Variants in PTPRB observed in about 807,000 individuals in gnomAD.
The protein encoded by PTPRB is protein tyrosine phosphatase receptor type B.
In PTPRB, 97 loss-of-function variants were observed where a neutral mutation model predicts 238.1. The ratio of observed to expected loss-of-function variants is 0.41; its 90% CI spans 0.35 to 0.48. The LOEUF (loss-of-function observed/expected upper bound fraction) is 0.48, where lower values mean the gene tolerates loss of function less well. Among genes scored for constraint, PTPRB ranks in the 20% least tolerant of loss-of-function variants. The pLI, the probability that PTPRB is intolerant of heterozygous loss-of-function variation, is 0.30. For missense variants in PTPRB, 2,292 were observed against 2,681.9 expected (o/e 0.85, Z 3.21); for synonymous variants, 970 against 995.4 (o/e 0.97, Z 0.48).
intron 8 of PTPRB, among the ~76,000 whole-genome samples, chr12:70,588,279 G>A (rs1049669442): frequency 9.2e-5 from 14 of 152,130 alleles, no homozygotes; most frequent in Non-Finnish European, 4.4e-5. Flanking sequence ...GAAATAATTT[G>A]ATTATTTACA....
intron 32 of PTPRB, 29 bp from the exon 33 acceptor site, chr12:70,524,620 A>C: frequency 6.3e-7 from 1 of 1,595,530 alleles, no homozygotes; most frequent in Non-Finnish European, 8.5e-7. Context: ...ATGTCAGAGG[A>C]GGGCCTGTTC....
intron 3 of PTPRB, among the ~76,000 whole-genome samples, chr12:70,620,120 A>G (rs931714643): frequency 6.6e-6 from 1 of 152,214 alleles, no homozygotes; most frequent in Non-Finnish European, 1.5e-5. Flanking sequence ...TTAAGCTTCA[A>G]GAAAAAAACT....
rs1002141552 is a variant in PTPRB, at chr12:70,517,074, C to T, written c.*4415G>A. On this transcript the variant is annotated 3_prime_UTR_variant, in exon 34 of 34. Coordinates refer to ENST00000334414, the MANE Select transcript of PTPRB (RefSeq NM_001109754.4). ...CATGGCTGCATCAAATGTTACCCTG[C>T]ATTTTAACTAAAATGGCCAAACATT... 7.9e-5 allele frequency: 12 copies of T among 152,228 alleles called. No homozygotes were observed. The highest frequency in any genetic ancestry group is 2.9e-4 in the African/African-American group (12 of 41,450). 9.4% of individuals were successfully genotyped at this position (152,228 alleles called of 1,614,324 possible). A position where few individuals can be genotyped will look rare whatever the true frequency, so the allele number is the denominator to read the frequency against.
At position 70,520,447 on chromosome 12, in the gene PTPRB, T is replaced by C; in HGVS notation, c.*1042A>G. 4.7e-6 allele frequency: 1 copy of C among 213,966 alleles called. No individual in the cohort carries two copies. The highest frequency in any genetic ancestry group is 9.6e-6 in the Non-Finnish European group (1 of 104,448). The allele number at this position is 213,966 out of a possible 1,614,324, so 13.3% of individuals were successfully genotyped here. ...TGCTATTGTTTTTAAATTTACTATA[T>C]ATGATGTTTGTAGTCATTTCTATGA... On this transcript the variant is annotated 3_prime_UTR_variant, in exon 34 of 34. Transcript: ENST00000334414.
At position 70,521,505 on chromosome 12, in the gene PTPRB, A is replaced by G. The variant is rs1871650007; in HGVS notation, c.6632T>C (p.Val2211Ala). Residue 2211 changes from valine to alanine, a missense_variant, in exon 34 of 34, where the codon GTC becomes GCC. Around this residue, in one of 4 missense-constraint regions of PTPRB, gnomAD observed 397 missense variants for 502.0 expected, o/e 0.79. Transcript: ENST00000334414. ...GGTACATTCTCAATGCCTTGAATAG[A>G]CTGGATCTGAAAGGAAGAACACTGT... ...NVNPEYHRDP[V>A]YSRH 1.3e-6 allele frequency: 2 copies of G among 1,546,724 alleles called. No individual in the cohort carries two copies. Among genetic ancestry groups the G allele is most frequent in the East Asian group, 2.4e-5 (1 of 41,942 alleles).
intron 15 of PTPRB, 97 bp from the exon 16 acceptor site, chr12:70,563,204 T>C: frequency 8.4e-7 from 1 of 1,186,146 alleles, no homozygotes; most frequent in South Asian, 1.5e-5. Flanking sequence ...AAGAGGAAGT[T>C]GGATTCAGTG....
Position 70,562,857 on chromosome 12 carries a change from T to A in PTPRB, c.4155A>T (p.Ile1385=). 1 of 1,613,884 alleles carries A rather than the reference T, an allele frequency of 6.2e-7. No homozygotes were observed. The highest frequency in any genetic ancestry group is 8.5e-7 in the Non-Finnish European group (1 of 1,179,832). ...HSGELSNESF[I]FGRTVPASVS... ...TCTTGGTCTTACCTGTTCTACCAAA[T>A]ATGAAAGACTCATTAGACAGCTCCC... The change falls in exon 16 of 34, where the codon ATA becomes ATT. Residue 1385 remains isoleucine, a synonymous_variant. Coordinates refer to ENST00000334414, the MANE Select transcript of PTPRB (RefSeq NM_001109754.4).
intron 32 of PTPRB, among the ~76,000 whole-genome samples, chr12:70,530,094 GGATTATA>G (rs762268564): frequency 5.1e-4 from 77 of 151,928 alleles, no homozygotes; most frequent in Non-Finnish European, 9.6e-4. Flanking sequence ...ATGGGAGGGA[GGATTATA>G]GATTATAGAA....
At chr12:70,616,377 G>T (rs1018150913) in intron 3 of PTPRB, among the ~76,000 whole-genome samples, 2 of 152,150 alleles carry the variant, frequency 1.3e-5, no homozygotes, top group Non-Finnish European at 1.5e-5. Context: ...ATGTCCTTGT[G>T]ATTAGATTTA....
intron 32 of PTPRB, among the ~76,000 whole-genome samples, chr12:70,530,837 C>T (rs1873127904): frequency 6.6e-6 from 1 of 152,168 alleles, no homozygotes; most frequent in South Asian, 2.1e-4. Context: ...CTCCAGGCCT[C>T]CCAAAGCACC....
chr12:70,529,433 A>G (rs1872849499), intron 32 of PTPRB, among the ~76,000 whole-genome samples: 1 of 152,174 alleles, frequency 6.6e-6, no homozygotes, highest in Non-Finnish European at 1.5e-5. Flanking sequence ...CTCTTTCCCA[A>G]GTTACAAATT....
At position 70,559,820 on chromosome 12, in the gene PTPRB, CTT is replaced by C. The variant is rs373129340; in HGVS notation, c.4433-198_4433-197del. ...GCACTGTCTTCGAGCATTTTATGTA[CTT>C]TTTTTTTTTTTTTTTCACTTTTTTT... is the stretch of plus-strand genomic sequence containing the variant. On this transcript the variant is annotated intron_variant, in intron 17 of 33. Coordinates refer to ENST00000334414, the MANE Select transcript of PTPRB (RefSeq NM_001109754.4). Among the ~76,000 whole-genome samples, 329 of 123,334 alleles carry C rather than the reference CTT, an allele frequency of 2.7e-3. 1 individual carries two copies. Among genetic ancestry groups the C allele is most frequent in the African/African-American group, 4.0e-3 (133 of 32,858 alleles). 80.9% of individuals were successfully genotyped at this position (123,334 alleles called of 152,430 possible). A position where few individuals can be genotyped will look rare whatever the true frequency, so the allele number is the denominator to read the frequency against.
At chr12:70,626,585 T>C (rs1288025086) in intron 2 of PTPRB, among the ~76,000 whole-genome samples, 2 of 152,074 alleles carry the variant, frequency 1.3e-5, no homozygotes, top group Non-Finnish European at 2.9e-5. Context: ...CAACAACTAT[T>C]TATATTTACA....
At chr12:70,527,045 C>T (rs1236289987) in intron 32 of PTPRB, among the ~76,000 whole-genome samples, 1 of 152,150 alleles carries the variant, frequency 6.6e-6, no homozygotes, top group African/African-American at 2.4e-5. Context: ...ATATGAATCT[C>T]AGATCACAAA....
chr12:70,535,026 C>T, intron 29 of PTPRB, 71 bp from the exon 30 acceptor site: 1 of 1,507,896 alleles, frequency 6.6e-7, no homozygotes, highest in Non-Finnish European at 9.0e-7. Context: ...GGTTTCCCTC[C>T]TCTAAATGTC....
chr12:70,617,797 A>T (rs1370031331), intron 3 of PTPRB, among the ~76,000 whole-genome samples: 1 of 151,638 alleles, frequency 6.6e-6, no homozygotes, highest in Admixed American at 6.6e-5. Context: ...GACCAGTACC[A>T]CAATGGCTAT....
chr12:70,571,463 TG>T, intron 12 of PTPRB, 174 bp from the exon 13 acceptor site: 1 of 684,468 alleles, frequency 1.5e-6, no homozygotes, highest in South Asian at 2.1e-5. Flanking sequence ...ATTAACATTG[TG>T]GTTTTTTCCT....
At position 70,579,924 on chromosome 12, in the gene PTPRB, C is replaced by G. The variant is rs140139813; in HGVS notation, c.2578+1112G>C. ...ATCTATGATGCCTGCAGCTGATAAACAGAATTTGAGTGTTGAGGATGCAGA... is the reference window on the plus strand; with the variant it reads ...ATCTATGATGCCTGCAGCTGATAAAGAGAATTTGAGTGTTGAGGATGCAGA... On this transcript the variant is annotated intron_variant, in intron 10 of 33. Coordinates refer to ENST00000334414, the MANE Select transcript of PTPRB (RefSeq NM_001109754.4). Among the ~76,000 whole-genome samples, 19 of 152,132 alleles carry G rather than the reference C, an allele frequency of 1.2e-4. No individual in the cohort carries two copies. In the East Asian group the frequency reaches 3.3e-3, roughly 26 times the overall value.
At chr12:70,573,415 G>A (rs189222587) in intron 11 of PTPRB, among the ~76,000 whole-genome samples, 2 of 151,520 alleles carry the variant, frequency 1.3e-5, no homozygotes, top group Non-Finnish European at 2.9e-5. Flanking sequence ...TTGGTTTCTT[G>A]TGTACATGTT....
Sources: gnomAD v4.1 joint callset for allele counts (sites outside exome capture counted in the v4.1 genomes callset) on GRCh38, gnomAD v4.1.1 for gene constraint, gnomAD v4.1.1 regional missense constraint, MANE v1.5 for transcripts, NCBI Gene and HGNC (gene_info 2026-07-23, HGNC 2026-07-21) for gene names.